The following CREG2 variants were observed in gnomAD, a reference collection of about 807,000 sequenced individuals.
CREG2 encodes the protein cellular repressor of E1A stimulated genes 2, also known as protein CREG2.
A neutral mutation model predicts 26.2 loss-of-function variants in CREG2; 24 were observed. The observed-to-expected ratio is 0.92, with a 90% CI of 0.66 to 1.29. The LOEUF (loss-of-function observed/expected upper bound fraction) is 1.29, where lower values mean the gene tolerates loss of function less well. Among genes scored for constraint, CREG2 ranks in the 50% most tolerant of loss-of-function variants. The pLI, the probability that CREG2 is intolerant of heterozygous loss-of-function variation, is 0.00. For missense variants in CREG2, 366 were observed against 398.6 expected, an observed-to-expected ratio of 0.92 and a Z score of 0.70; for synonymous variants, 174 against 169.2, an observed-to-expected ratio of 1.03 and a Z score of -0.22.
intron 2 of CREG2, among the ~76,000 whole-genome samples, chr2:101,373,045 T>G (rs1381013743): frequency 6.6e-6 from 1 of 152,124 alleles, no homozygotes; most frequent in Non-Finnish European, 1.5e-5. Flanking sequence ...AGGAAAACAG[T>G]TGGGCAGTTC....
intron 2 of CREG2, among the ~76,000 whole-genome samples, chr2:101,355,696 A>T (rs1171767624): frequency 7.0e-6 from 1 of 141,946 alleles, no homozygotes; most frequent in Non-Finnish European, 1.6e-5. Flanking sequence ...GGGACTTGCG[A>T]CAGTGGGGTA....
intron 2 of CREG2, among the ~76,000 whole-genome samples, chr2:101,378,877 G>A (rs1333008040): frequency 6.6e-6 from 1 of 151,966 alleles, no homozygotes; most frequent in East Asian, 1.9e-4. Flanking sequence ...ACGGTGGTGG[G>A]TGTCTGTAAT....
chr2:101,346,383 G>C lies in CREG2; in HGVS notation c.*4540C>G, dbSNP rs149325872. 1 of 152,112 alleles carries C rather than the reference G, an allele frequency of 6.6e-6. No individual in the cohort carries two copies. The highest frequency in any genetic ancestry group is 1.9e-4 in the East Asian group (1 of 5,198). The allele number at this position is 152,112 out of a possible 1,614,324, so 9.4% of individuals were successfully genotyped here. ...AGTTCTTCTCTATAAAATCAGTGGAGAATCATTATATACACACTTGGATAC... is the reference window on the plus strand; with the variant it reads ...AGTTCTTCTCTATAAAATCAGTGGACAATCATTATATACACACTTGGATAC... On this transcript the variant is annotated 3_prime_UTR_variant, in exon 4 of 4. Coordinates refer to ENST00000324768, the MANE Select transcript of CREG2 (RefSeq NM_153836.4).
intron 2 of CREG2, among the ~76,000 whole-genome samples, chr2:101,361,498 AG>A (rs1424837423): frequency 6.6e-6 from 1 of 152,204 alleles, no homozygotes; most frequent in Non-Finnish European, 1.5e-5. Context: ...TGAATACAGA[AG>A]GGGCACGAGC....
At position 101,367,606 on chromosome 2, in the gene CREG2, T is replaced by C. The variant is rs1049280269; in HGVS notation, c.612-12240A>G. On this transcript the variant is annotated intron_variant, in intron 2 of 3. Transcript: ENST00000324768. ...AATAGCAGCTCGCCCAAAGATGTCTTAATCCCCAGATGCCAAAGAAGTCCT... is the reference window on the plus strand; with the variant it reads ...AATAGCAGCTCGCCCAAAGATGTCTCAATCCCCAGATGCCAAAGAAGTCCT... 4.6e-5 allele frequency among the ~76,000 whole-genome samples: 7 copies of C among 152,168 alleles called. No homozygotes were observed. The South Asian group carries it at 1.4e-3, about 32-fold the overall frequency.
At chr2:101,360,628 C>T (rs2104473536) in intron 2 of CREG2, among the ~76,000 whole-genome samples, 1 of 151,958 alleles carries the variant, frequency 6.6e-6, no homozygotes, top group East Asian at 1.9e-4. Context: ...ATTCCAGCTA[C>T]TCAGGAGGCT....
At chr2:101,383,087 A>T in intron 2 of CREG2, 1 of 725,212 alleles carries the variant, frequency 1.4e-6, no homozygotes, top group Non-Finnish European at 1.7e-6. Flanking sequence ...ATCTCTGGGG[A>T]CAGGATAGAA....
intron 2 of CREG2, among the ~76,000 whole-genome samples, chr2:101,368,554 C>G (rs181009087): frequency 1.3e-5 from 2 of 152,228 alleles, no homozygotes; most frequent in African/African-American, 4.8e-5. Context: ...GACACAGACA[C>G]CAGACGGCTT....
At chr2:101,376,831 T>C (rs1251019347) in intron 2 of CREG2, among the ~76,000 whole-genome samples, 1 of 152,192 alleles carries the variant, frequency 6.6e-6, no homozygotes, top group Non-Finnish European at 1.5e-5. Context: ...TGTTAATTCA[T>C]GAAGAAAAAC....
Position 101,382,413 on chromosome 2 carries a change from C to T in CREG2, c.611+1120G>A, listed in dbSNP as rs187948317. ...TGCACTCCAGTCTGGGAAACAAGAG[C>T]GAAACTCTATCTCGAAAAAAAAAAA... On this transcript the variant is annotated intron_variant, in intron 2 of 3. Transcript: ENST00000324768. The T allele has an allele frequency of 9.1e-5, 77 of 847,714 alleles. 3 individuals are homozygous for T. The South Asian group carries it at 2.1e-3, about 23-fold the overall frequency. 52.5% of individuals were successfully genotyped at this position (847,714 alleles called of 1,614,324 possible).
At chr2:101,364,331 T>A (rs1195756392) in intron 2 of CREG2, among the ~76,000 whole-genome samples, 1 of 152,176 alleles carries the variant, frequency 6.6e-6, no homozygotes, top group Non-Finnish European at 1.5e-5. Flanking sequence ...TTTAGCAGCA[T>A]TCCTGGGCTC....
At chr2:101,370,736 G>A (rs912689745) in intron 2 of CREG2, among the ~76,000 whole-genome samples, 3 of 152,144 alleles carry the variant, frequency 2.0e-5, no homozygotes, top group Non-Finnish European at 2.9e-5. Flanking sequence ...GCAGGGTTTA[G>A]TCATGCTGAA....
chr2:101,362,115 C>G (rs1478243372), intron 2 of CREG2, among the ~76,000 whole-genome samples: 1 of 152,144 alleles, frequency 6.6e-6, no homozygotes, highest in Admixed American at 6.5e-5. Flanking sequence ...AATTTGGTCA[C>G]GAAAGCTCAA....
intron 2 of CREG2, among the ~76,000 whole-genome samples, chr2:101,366,350 C>T (rs920395691): frequency 3.9e-5 from 6 of 152,180 alleles, no homozygotes; most frequent in African/African-American, 1.4e-4. Context: ...CTCTTTTACT[C>T]CTCAATTCAA....
At chr2:101,366,498 G>GA (rs147867533) in intron 2 of CREG2, among the ~76,000 whole-genome samples, 12,695 of 150,284 alleles carry the variant, frequency 0.084, 831 homozygotes, top group Non-Finnish European at 0.12. Flanking sequence ...AAATATTTAG[G>GA]AAAAAAAAAG....
intron 2 of CREG2, among the ~76,000 whole-genome samples, chr2:101,381,915 C>G (rs762308789): frequency 6.6e-6 from 1 of 152,194 alleles, no homozygotes; most frequent in Non-Finnish European, 1.5e-5. Flanking sequence ...CCCTGAAATC[C>G]TCTCCCCATG....
chr2:101,383,319 A>G (rs960629130), intron 2 of CREG2, among the ~76,000 whole-genome samples: 3 of 152,226 alleles, frequency 2.0e-5, no homozygotes, highest in Admixed American at 2.0e-4. Context: ...CATTTTACAG[A>G]TGAAGAAACT....
chr2:101,362,965 G>A (rs1374555060), intron 2 of CREG2, among the ~76,000 whole-genome samples: 1 of 152,146 alleles, frequency 6.6e-6, no homozygotes, highest in Admixed American at 6.5e-5. Flanking sequence ...TCTGCCCTCC[G>A]GACCCTGACT....
chr2:101,366,360 A>G (rs1047614997), intron 2 of CREG2, among the ~76,000 whole-genome samples: 7 of 152,054 alleles, frequency 4.6e-5, no homozygotes, highest in Non-Finnish European at 8.8e-5. Flanking sequence ...CCTCAATTCA[A>G]TGTTCCCATC....
Sources: allele counts gnomAD v4.1 joint callset (sites outside exome capture counted in the v4.1 genomes callset), GRCh38; gene constraint gnomAD v4.1.1; transcripts MANE v1.5; gene names NCBI Gene and HGNC (gene_info 2026-07-23, HGNC 2026-07-21).